STAT5B: variants seen among roughly 807,000 people sequenced by gnomAD.
The protein encoded by STAT5B is signal transducer and activator of transcription 5B, also known as transcription factor STAT5B.
Under a neutral mutation model 107.8 loss-of-function variants are expected in STAT5B, and 21 were observed. The observed-to-expected ratio is 0.19, with a 90% CI of 0.14 to 0.28. The LOEUF (loss-of-function observed/expected upper bound fraction) is 0.28. STAT5B is among the 10% of genes least tolerant of loss of function. The pLI, the probability that STAT5B is intolerant of heterozygous loss-of-function variation, is 1.00. For synonymous variants in STAT5B, 325 were observed against 401.7 expected, an observed-to-expected ratio of 0.81 and a Z score of 2.28; for missense variants, 565 against 1,008.2, an observed-to-expected ratio of 0.56 and a Z score of 5.95.
chr17:42,261,441 G>A (rs2080595759), intron 1 of STAT5B, among the ~76,000 whole-genome samples: 1 of 152,092 alleles, frequency 6.6e-6, no homozygotes, highest in Non-Finnish European at 1.5e-5. Flanking sequence ...AGTACTACGT[G>A]ATTTTTAAAA....
chr17:42,207,222 T>C (rs2080092335), intron 16 of STAT5B, among the ~76,000 whole-genome samples: 1 of 152,146 alleles, frequency 6.6e-6, no homozygotes, highest in Non-Finnish European at 1.5e-5. Context: ...TTATAATAAA[T>C]ATGTAATACT....
chr17:42,226,426 T>A (rs183737281), intron 3 of STAT5B, among the ~76,000 whole-genome samples: 2 of 152,246 alleles, frequency 1.3e-5, no homozygotes, highest in East Asian at 3.9e-4. Context: ...GAAATCCAGA[T>A]GAGTACCTAA....
chr17:42,244,641 T>C (rs1485728171), intron 1 of STAT5B, among the ~76,000 whole-genome samples: 1 of 152,162 alleles, frequency 6.6e-6, no homozygotes, highest in African/African-American at 2.4e-5. Flanking sequence ...CTATTAAAGT[T>C]CATGGCCTCC....
chr17:42,248,070 A>G (rs144222829), intron 1 of STAT5B, among the ~76,000 whole-genome samples: 66 of 152,100 alleles, frequency 4.3e-4, no homozygotes, highest in Non-Finnish European at 8.5e-4. Flanking sequence ...TTAGGCCAGG[A>G]GTTTGAAACA....
intron 1 of STAT5B, among the ~76,000 whole-genome samples, chr17:42,239,999 T>C (rs1311024169): frequency 6.6e-6 from 1 of 152,122 alleles, no homozygotes; most frequent in African/African-American, 2.4e-5. Context: ...CCGGGCACGG[T>C]GGCGGGTGCC....
At chr17:42,271,265 G>C (rs765021643) in intron 1 of STAT5B, 3 of 152,246 alleles carry the variant, frequency 2.0e-5, no homozygotes, top group Admixed American at 2.0e-4. Context: ...CGTTGGGTTT[G>C]TCCTGTTATC....
At chr17:42,271,242 AAT>A (rs1226906747) in intron 1 of STAT5B, 5 of 152,390 alleles carry the variant, frequency 3.3e-5, no homozygotes, top group African/African-American at 9.6e-5. Context: ...GAAAACAAGC[AAT>A]GTTAGAAACC....
At chr17:42,218,613 G>C (rs933923261) in intron 8 of STAT5B, 110 bp downstream of exon 8, 22 of 1,584,682 alleles carry the variant, frequency 1.4e-5, no homozygotes, top group Non-Finnish European at 1.9e-5. Context: ...GGAGTTGGGA[G>C]GGATGAGAGG....
At position 42,232,021 on chromosome 17, in the gene STAT5B, T is replaced by C; in HGVS notation, c.107A>G (p.Gln36Arg). Residue 36 changes from glutamine (Q) to arginine (R), a missense_variant, in exon 2 of 19, where the codon CAG (glutamine) becomes CGG (arginine). Transcript: ENST00000293328. ...CTACCATGCTTGGCTTTCAATCCAC[T>C]GGGATAAATAATGCCGCACCTCAAT... is the stretch of plus-strand genomic sequence containing the variant. Reference protein sequence around the residue: ...FPIEVRHYLSQWIESQAWDSV... With the variant: ...FPIEVRHYLSRWIESQAWDSV... 13 of 1,613,970 alleles carry C rather than the reference T, an allele frequency of 8.1e-6. No homozygotes were observed. The highest frequency in any genetic ancestry group is 2.7e-5 in the African/African-American group (2 of 75,000).
chr17:42,271,691 C>A (rs1027836411), intron 1 of STAT5B: 6 of 152,036 alleles, frequency 3.9e-5, no homozygotes, highest in African/African-American at 1.4e-4. Context: ...GATAAATGTT[C>A]TTCATCAATC....
At chr17:42,202,157 C>T (rs1288381086) in intron 18 of STAT5B, 183 bp downstream of exon 18, 2 of 731,352 alleles carry the variant, frequency 2.7e-6, no homozygotes, top group Non-Finnish European at 4.6e-6. Context: ...CCCAACCCGA[C>T]TCTAAACCAC....
chr17:42,214,046 G>C, intron 12 of STAT5B, among the ~76,000 whole-genome samples: 1 of 151,878 alleles, frequency 6.6e-6, no homozygotes, highest in South Asian at 2.1e-4. Context: ...GGGAGGCTGA[G>C]GCAGGAGAAT....
chr17:42,225,115 C>T (rs1202550284), intron 3 of STAT5B, among the ~76,000 whole-genome samples: 1 of 152,072 alleles, frequency 6.6e-6, no homozygotes, highest in African/African-American at 2.4e-5. Flanking sequence ...AGTGCAGTGG[C>T]ACAACCTCGG....
chr17:42,241,468 A>C (rs1036933190), intron 1 of STAT5B, among the ~76,000 whole-genome samples: 1 of 147,366 alleles, frequency 6.8e-6, no homozygotes, highest in South Asian at 2.1e-4. Context: ...TTTGAGACAG[A>C]GTCTTGCTCT....
chr17:42,202,597 C>A (rs953676117), intron 17 of STAT5B, 150 bp from the exon 18 acceptor site: 12 of 1,439,670 alleles, frequency 8.3e-6, no homozygotes, highest in Admixed American at 1.7e-5. Context: ...AGGAGTGGGG[C>A]CTCAGGTACT....
the STAT5B span, among the ~76,000 whole-genome samples, chr17:42,287,086 C>T: frequency 1.3e-5 from 2 of 152,206 alleles, no homozygotes; most frequent in Admixed American, 6.5e-5. Context: ...CCTCCATGCA[C>T]CCCCTTAGAG....
intron 1 of STAT5B, among the ~76,000 whole-genome samples, chr17:42,248,333 A>T (rs544005016): frequency 6.6e-6 from 1 of 151,848 alleles, no homozygotes; most frequent in East Asian, 1.9e-4. Flanking sequence ...ACATTTAATA[A>T]GAGCTCATGT....
At chr17:42,265,190 T>C (rs987211509) in intron 1 of STAT5B, among the ~76,000 whole-genome samples, 1 of 151,428 alleles carries the variant, frequency 6.6e-6, no homozygotes, top group Admixed American at 6.6e-5. Context: ...TTTCTTTTGC[T>C]GTGCAGAAGC....
At chr17:42,207,011 C>T (rs138798520) in intron 16 of STAT5B, among the ~76,000 whole-genome samples, 1,796 of 151,572 alleles carry the variant, frequency 0.012, 27 homozygotes, top group African/African-American at 0.042. Flanking sequence ...CGAGTACCTG[C>T]GATTACAAGT....
Sources: gnomAD v4.1 joint callset for allele counts (sites outside exome capture counted in the v4.1 genomes callset) on GRCh38, gnomAD v4.1.1 for gene constraint, MANE v1.5 for transcripts, NCBI Gene and HGNC (gene_info 2026-07-23, HGNC 2026-07-21) for gene names.